The following ATP13A5 variants were observed in gnomAD, a reference collection of about 807,000 sequenced individuals.
The protein encoded by ATP13A5 is probable cation-transporting ATPase 13A5.
A neutral mutation model predicts 150.2 loss-of-function variants in ATP13A5; 149 were observed. That is an observed-to-expected ratio of 0.99 (90% confidence interval 0.87 to 1.14). ATP13A5 has a LOEUF of 1.14. Among genes scored for constraint, ATP13A5 ranks in the 50% most tolerant of loss-of-function variants. The probability of loss-of-function intolerance (pLI) is 0.00; values close to 1 mark genes in which losing one functional copy is unlikely to be tolerated. For missense variants in ATP13A5, 1,383 were observed against 1,449.3 expected (o/e 0.95, Z 0.74); for synonymous variants, 497 against 522.2 (o/e 0.95, Z 0.66).
intron 27 of ATP13A5, among the ~76,000 whole-genome samples, chr3:193,284,007 G>GATTATTATTATTATTATTATT (rs3048432): frequency 2.9e-4 from 41 of 141,900 alleles, no homozygotes; most frequent in African/African-American, 1.0e-3. Context: ...TTGGCCTGCG[G>GATTATTATTATTATTATTATT]ATTATTATTA....
At chr3:193,312,158 A>G (rs1718877862) in intron 19 of ATP13A5, among the ~76,000 whole-genome samples, 1 of 152,196 alleles carries the variant, frequency 6.6e-6, no homozygotes, top group African/African-American at 2.4e-5. Context: ...ACAGTATGGT[A>G]CTCTGGATCC....
intron 17 of ATP13A5, among the ~76,000 whole-genome samples, chr3:193,317,877 C>A (rs911084912): frequency 6.6e-6 from 1 of 152,182 alleles, no homozygotes; most frequent in African/African-American, 2.4e-5. Flanking sequence ...TGGATGATGG[C>A]TACACTCCAT....
intron 27 of ATP13A5, among the ~76,000 whole-genome samples, chr3:193,284,078 T>C (rs1717617733): frequency 6.6e-6 from 1 of 151,338 alleles, no homozygotes; most frequent in African/African-American, 2.4e-5. Context: ...TGGAGTGTAG[T>C]GGTGTGATCC....
chr3:193,376,319 C>T (rs1273321224), intron 1 of ATP13A5, among the ~76,000 whole-genome samples: 2 of 152,164 alleles, frequency 1.3e-5, no homozygotes, highest in Non-Finnish European at 2.9e-5. Flanking sequence ...GCATAGACTG[C>T]CATCTTTTCT....
chr3:193,326,475 C>T (rs1012003052), intron 13 of ATP13A5, among the ~76,000 whole-genome samples: 1 of 152,150 alleles, frequency 6.6e-6, no homozygotes, highest in Non-Finnish European at 1.5e-5. Flanking sequence ...CACTAAATTT[C>T]AAAATTAATT....
chr3:193,341,629 A>C (rs555641479), intron 9 of ATP13A5, among the ~76,000 whole-genome samples: 1 of 152,296 alleles, frequency 6.6e-6, no homozygotes, highest in Non-Finnish European at 1.5e-5. Flanking sequence ...GCCCTCCATC[A>C]GACCCCTCTC....
chr3:193,362,863 C>T (rs1713088194), intron 3 of ATP13A5, among the ~76,000 whole-genome samples: 1 of 151,700 alleles, frequency 6.6e-6, no homozygotes, highest in Non-Finnish European at 1.5e-5. Flanking sequence ...GGCGTGATGA[C>T]CACTCACTGT....
In ATP13A5 at chr3:193,364,058, C is replaced by G. The variant is rs184518721; in HGVS notation, c.237+49G>C. ...ACAGAGTTATGCCACAGAGGCAATA[C>G]AGAAGACACGATCATGGCTTTCAAA... On this transcript the variant is annotated intron_variant, in intron 2 of 29. Coordinates refer to ENST00000342358, the MANE Select transcript of ATP13A5 (RefSeq NM_198505.4). 5.2e-4 allele frequency: 826 copies of G among 1,587,562 alleles called. 5 individuals carry two copies. In the African/African-American group the frequency reaches 9.2e-3, roughly 18 times the overall value.
chr3:193,279,976 TAAAAAA>T lies in ATP13A5; in HGVS notation c.3227-528_3227-523del, dbSNP rs57617984. ...CACTCTCTAGCTTCTGTGTCTTTGT[TAAAAAA>T]AAAAAAAAAAAAAAAAAAAAAGCCC... On this transcript the variant is annotated intron_variant, in intron 27 of 29. Coordinates refer to ENST00000342358, the MANE Select transcript of ATP13A5 (RefSeq NM_198505.4). Among the ~76,000 whole-genome samples, 6 of 59,890 alleles carry T rather than the reference TAAAAAA, an allele frequency of 1.0e-4. No individual in the cohort carries two copies. In the Admixed American group the frequency reaches 1.2e-3, roughly 12 times the overall value. The allele number at this position is 59,890 out of a possible 152,430, so 39.3% of individuals were successfully genotyped here. A position where few individuals can be genotyped will look rare whatever the true frequency, so the allele number is the denominator to read the frequency against.
intron 7 of ATP13A5, among the ~76,000 whole-genome samples, chr3:193,346,086 T>G (rs955784965): frequency 1.3e-5 from 2 of 152,138 alleles, no homozygotes; most frequent in African/African-American, 4.8e-5. Flanking sequence ...TTATTTAGCC[T>G]GTTTAACTCC....
rs1577350742 is a variant in ATP13A5, at chr3:193,325,030, A to G, written c.1524-16T>C. On this transcript the variant is annotated splice_polypyrimidine_tract_variant and intron_variant, in intron 13 of 29. Coordinates refer to ENST00000342358, the MANE Select transcript of ATP13A5 (RefSeq NM_198505.4). Reference sequence around the variant, plus strand: ...TTCCTGGAAGCTGGTAGAGAAGGTAATGTTAAAGTCTTTGATAAAATCATT... The same window carrying G: ...TTCCTGGAAGCTGGTAGAGAAGGTAGTGTTAAAGTCTTTGATAAAATCATT... 1 of 1,606,090 alleles carries G rather than the reference A, an allele frequency of 6.2e-7. No homozygotes were observed. Among genetic ancestry groups the G allele is most frequent in the South Asian group, 1.1e-5 (1 of 89,878 alleles).
chr3:193,289,613 T>C (rs1230142278), intron 26 of ATP13A5, among the ~76,000 whole-genome samples: 1 of 152,060 alleles, frequency 6.6e-6, no homozygotes, highest in East Asian at 1.9e-4. Flanking sequence ...CAACCCCTGG[T>C]CTATAAAATA....
At chr3:193,343,120 G>T (rs1365969193) in intron 9 of ATP13A5, among the ~76,000 whole-genome samples, 3 of 151,940 alleles carry the variant, frequency 2.0e-5, no homozygotes, top group South Asian at 4.2e-4. Flanking sequence ...CTACATTTAG[G>T]TCATGTTAAA....
chr3:193,302,378 G>A (rs562772987), intron 23 of ATP13A5, among the ~76,000 whole-genome samples: 2 of 152,274 alleles, frequency 1.3e-5, no homozygotes, highest in East Asian at 3.9e-4. Context: ...AGCTGAGAAG[G>A]GGCAAGCATG....
chr3:193,338,038 G>C (rs1349671245), intron 9 of ATP13A5, among the ~76,000 whole-genome samples: 1 of 152,280 alleles, frequency 6.6e-6, no homozygotes, highest in East Asian at 1.9e-4. Context: ...CTGTTTGTCT[G>C]TTATGGGTGT....
In ATP13A5 at chr3:193,307,335, C is replaced by T. The variant is rs758626416; in HGVS notation, c.2560G>A (p.Asp854Asn). 1.1e-5 allele frequency: 18 copies of T among 1,613,746 alleles called. No homozygotes were observed. The highest frequency in any genetic ancestry group is 4.4e-5 in the South Asian group (4 of 91,060). ...YVGMCGDGAN[D>N]CGALKAAHAG... ...AAGCCATTTCTACTCACCCCACAGTCGTTAGCTCCATCTCCACACATGCCC... is the reference window on the plus strand; with the variant it reads ...AAGCCATTTCTACTCACCCCACAGTTGTTAGCTCCATCTCCACACATGCCC... Residue 854 changes from aspartate (D) to asparagine (N), a missense_variant, in exon 22 of 30, where the codon GAC (aspartate) becomes AAC (asparagine). This residue lies in a region of ATP13A5 where 568 missense variants were observed against 621.5 expected (regional missense o/e 0.91). Transcript: ENST00000342358.
Position 193,289,344 on chromosome 3 carries a change from C to G in ATP13A5, c.3023+541G>C, listed in dbSNP as rs567472213. Reference sequence around the variant, plus strand: ...CCATCAATTCACATTTTAACTTTAACATTCATTTGGGAAAAAACAAAATAA... The same window carrying G: ...CCATCAATTCACATTTTAACTTTAAGATTCATTTGGGAAAAAACAAAATAA... On this transcript the variant is annotated intron_variant, in intron 26 of 29. Transcript: ENST00000342358. Among the ~76,000 whole-genome samples, 5 of 152,254 alleles carry G rather than the reference C, an allele frequency of 3.3e-5. No individual in the cohort carries two copies. In the South Asian group the frequency reaches 1.0e-3, roughly 32 times the overall value.
At position 193,353,112 on chromosome 3, in the gene ATP13A5, G is replaced by A. The variant is rs555036770; in HGVS notation, c.606+1015C>T. Among the ~76,000 whole-genome samples the A allele has an allele frequency of 5.3e-5, 8 of 152,138 alleles. No individual in the cohort carries two copies. The South Asian group carries it at 1.5e-3, about 28-fold the overall frequency. On this transcript the variant is annotated intron_variant, in intron 6 of 29. Coordinates refer to ENST00000342358, the MANE Select transcript of ATP13A5 (RefSeq NM_198505.4). ...TCCACCCAAGGGTGGAATGGGAGAG[G>A]AGTGTCCATGGGACAACTGTGAACT...
chr3:193,351,228 T>G, intron 6 of ATP13A5, 27 bp from the exon 7 acceptor site: 1 of 1,613,144 alleles, frequency 6.2e-7, no homozygotes, highest in South Asian at 1.1e-5. Flanking sequence ...GGCATTTGGG[T>G]CACTTGCATG....
Sources: allele counts gnomAD v4.1 joint callset (sites outside exome capture counted in the v4.1 genomes callset), GRCh38; gene constraint gnomAD v4.1.1; regional missense constraint gnomAD v4.1.1; transcripts MANE v1.5; gene names NCBI Gene and HGNC (gene_info 2026-07-23, HGNC 2026-07-21).